Variants in TMEM132B observed in about 807,000 individuals in gnomAD.
TMEM132B encodes the protein transmembrane protein 132B.
Under a neutral mutation model 90.8 loss-of-function variants are expected in TMEM132B, and 18 were observed. That is an observed-to-expected ratio of 0.20 (90% CI 0.14 to 0.29). The LOEUF is 0.29. TMEM132B is among the 10% of genes least tolerant of loss of function. TMEM132B has a pLI of 1.00. For missense variants in TMEM132B, 1,096 were observed against 1,326.8 expected (o/e 0.83, Z 2.70); for synonymous variants, 504 against 523.3 (o/e 0.96, Z 0.50).
rs536286159 is a variant in TMEM132B at position 125,186,686 on chromosome 12, C to A, written c.-114C>A. On this transcript the variant is annotated 5_prime_UTR_variant, in exon 1 of 9. Coordinates refer to ENST00000682704, the MANE Select transcript of TMEM132B (RefSeq NM_001366854.1). This position sits in a 1 kb window ranked among gnomAD's most constrained non-coding sequence, Gnocchi z 6.3. ...CTGGGGAGGAGCGGCGCGCTGGGAG[C>A]GAGCCATGCCCGGCGCCCGGGCGTA... 43 of 146,710 alleles carry A rather than the reference C, an allele frequency of 2.9e-4. No individual in the cohort carries two copies. Among genetic ancestry groups the A allele is most frequent in the African/African-American group, 1.0e-3 (41 of 41,018 alleles). The allele number at this position is 146,710 out of a possible 1,614,324, so 9.1% of individuals were successfully genotyped here. A position where few individuals can be genotyped will look rare whatever the true frequency, so the allele number is the denominator to read the frequency against.
chr12:125,389,938 A>G (rs890961771), intron 2 of TMEM132B, among the ~76,000 whole-genome samples: 3 of 152,238 alleles, frequency 2.0e-5, no homozygotes, highest in Admixed American at 2.0e-4. Context: ...TTCCAATTGC[A>G]TAGCTCGATG....
Position 125,349,924 on chromosome 12 carries a change from G to T in TMEM132B, c.540G>T (p.Arg180=), listed in dbSNP as rs781163707. The T allele has an allele frequency of 6.2e-7, 1 of 1,614,084 alleles. No homozygotes were observed. The highest frequency in any genetic ancestry group is 8.5e-7 in the Non-Finnish European group (1 of 1,180,054). ...PEAREVAASC[R]LQGAPGLCVA... ...CCAGGGAAGTGGCAGCCAGCTGTCG[G>T]CTGCAAGGGGCCCCAGGGCTGTGTG... Residue 180 remains arginine (R), a synonymous_variant, in exon 2 of 9, where the codon CGG becomes CGT. Transcript: ENST00000682704. The surrounding 1 kb of genome is among the most constrained non-coding windows in gnomAD (Gnocchi z 4.1).
At chr12:125,196,363 TC>T (rs1414581009) in intron 1 of TMEM132B, among the ~76,000 whole-genome samples, 1 of 152,096 alleles carries the variant, frequency 6.6e-6, no homozygotes, top group Non-Finnish European at 1.5e-5. Flanking sequence ...TTCCCAAGAG[TC>T]CCAGTGGAGG....
chr12:125,227,812 G>A (rs959482802), intron 1 of TMEM132B, among the ~76,000 whole-genome samples: 3 of 152,066 alleles, frequency 2.0e-5, no homozygotes, highest in African/African-American at 4.8e-5. Context: ...CTGAACAAAA[G>A]TACCAGGAAT....
At chr12:125,285,439 A>G (rs1875322981) in intron 1 of TMEM132B, among the ~76,000 whole-genome samples, 1 of 152,230 alleles carries the variant, frequency 6.6e-6, no homozygotes, top group African/African-American at 2.4e-5. Flanking sequence ...TCTAGGCCCC[A>G]GTGAGTAGTC....
intron 4 of TMEM132B, among the ~76,000 whole-genome samples, chr12:125,538,005 G>T (rs1201898071): frequency 6.6e-6 from 1 of 152,164 alleles, no homozygotes; most frequent in Non-Finnish European, 1.5e-5. Flanking sequence ...AGCCAGGCCT[G>T]CTTCCCCCAC....
intron 3 of TMEM132B, among the ~76,000 whole-genome samples, chr12:125,421,378 G>A (rs1880162053): frequency 6.6e-6 from 1 of 152,192 alleles, no homozygotes; most frequent in African/African-American, 2.4e-5. Flanking sequence ...AGGTGAATGA[G>A]GAGCAAAGTC....
intron 4 of TMEM132B, among the ~76,000 whole-genome samples, chr12:125,554,604 C>A (rs1445270823): frequency 6.6e-6 from 1 of 152,052 alleles, no homozygotes; most frequent in African/African-American, 2.4e-5. Context: ...ACTTCGAATG[C>A]TGTGAAATAT....
At chr12:125,534,228 C>G (rs1883731767) in intron 4 of TMEM132B, among the ~76,000 whole-genome samples, 2 of 152,108 alleles carry the variant, frequency 1.3e-5, no homozygotes. Context: ...TTAAAAATCA[C>G]CTTGCTGGCT....
chr12:125,505,190 A>AAAAAAC (rs1882813729), intron 3 of TMEM132B, among the ~76,000 whole-genome samples: 1 of 144,496 alleles, frequency 6.9e-6, no homozygotes, highest in Non-Finnish European at 1.5e-5. Flanking sequence ...AAAAAAAAAA[A>AAAAAAC]AAAAACAGTA....
intron 6 of TMEM132B, among the ~76,000 whole-genome samples, chr12:125,648,476 A>G (rs73418491): frequency 0.013 from 1,941 of 150,290 alleles, 44 homozygotes; most frequent in African/African-American, 0.044. Context: ...ATTTTCCTAT[A>G]GTTAGGAAGA....
At chr12:125,200,326 A>C (rs1311938096) in intron 1 of TMEM132B, among the ~76,000 whole-genome samples, 3 of 152,222 alleles carry the variant, frequency 2.0e-5, no homozygotes, top group Non-Finnish European at 2.9e-5. Flanking sequence ...TCAAGAGGTA[A>C]TCAATTGTTG....
At chr12:125,399,061 A>G (rs578095389) in intron 2 of TMEM132B, among the ~76,000 whole-genome samples, 4 of 152,332 alleles carry the variant, frequency 2.6e-5, no homozygotes, top group South Asian at 4.1e-4. Context: ...TTATTGTCAC[A>G]TAGGTCTTCC....
intron 2 of TMEM132B, among the ~76,000 whole-genome samples, chr12:125,396,673 A>G (rs1370043774): frequency 6.6e-6 from 1 of 151,768 alleles, no homozygotes; most frequent in African/African-American, 2.4e-5. Flanking sequence ...CACTTAGCTA[A>G]TTTTCATACT....
At chr12:125,434,902 A>C (rs1880656843) in intron 3 of TMEM132B, among the ~76,000 whole-genome samples, 1 of 152,012 alleles carries the variant, frequency 6.6e-6, no homozygotes. Context: ...TCATGCTGAA[A>C]CTTCTTTTCC....
At chr12:125,431,966 C>T (rs1027830822) in intron 3 of TMEM132B, among the ~76,000 whole-genome samples, 29 of 152,224 alleles carry the variant, frequency 1.9e-4, no homozygotes, top group Admixed American at 4.6e-4. Flanking sequence ...CTCTGGCTCT[C>T]GCTTTTGCCA....
chr12:125,583,271 C>A (rs60554662), intron 4 of TMEM132B, among the ~76,000 whole-genome samples: 3,846 of 152,180 alleles, frequency 0.025, 133 homozygotes, highest in East Asian at 0.14. Context: ...ACGCACATGT[C>A]AGCATTTAAA....
rs368270158 is a variant in TMEM132B at position 125,580,926 on chromosome 12, C to T, written c.1294-2925C>T. ...TTTTAGCATCTCTGGGATCAGGGGA[C>T]GATTTCAATGTAATATTTACCATGC... On this transcript the variant is annotated intron_variant, in intron 4 of 8. Coordinates refer to ENST00000682704, the MANE Select transcript of TMEM132B (RefSeq NM_001366854.1). Among the ~76,000 whole-genome samples, 15 of 152,102 alleles carry T rather than the reference C, an allele frequency of 9.9e-5. 1 individual carries two copies. The highest frequency in any genetic ancestry group is 9.7e-4 in the East Asian group (5 of 5,162).
At position 125,660,218 on chromosome 12, in the gene TMEM132B, T is replaced by C. The variant is rs4765269; in HGVS notation, c.*5508T>C. ...GAGCCAAGATCGTACCACTGCACTC[T>C]GGCCTGGGCAACAAGAGCGAGACTT... On this transcript the variant is annotated 3_prime_UTR_variant, in exon 9 of 9. Coordinates refer to ENST00000682704, the MANE Select transcript of TMEM132B (RefSeq NM_001366854.1). 0.74 allele frequency: 113,301 copies of C among 152,244 alleles called. 42,501 individuals are homozygous for C. Among genetic ancestry groups the C allele is most frequent in the East Asian group, 0.99 (5,162 of 5,188 alleles). The allele number at this position is 152,244 out of a possible 1,614,324, so 9.4% of individuals were successfully genotyped here. A position where few individuals can be genotyped will look rare whatever the true frequency, so the allele number is the denominator to read the frequency against.
Sources: allele counts gnomAD v4.1 joint callset (sites outside exome capture counted in the v4.1 genomes callset), GRCh38; gene constraint gnomAD v4.1.1; non-coding constraint Gnocchi (gnomAD v3.1); transcripts MANE v1.5; gene names NCBI Gene and HGNC (gene_info 2026-07-23, HGNC 2026-07-21).